The following SYCP2L variants were observed in gnomAD, a reference collection of about 807,000 sequenced individuals.
SYCP2L encodes the protein synaptonemal complex protein 2-like.
Under a neutral mutation model 125.8 loss-of-function variants are expected in SYCP2L, and 98 were observed. The ratio of observed to expected loss-of-function variants is 0.78; its 90% CI spans 0.66 to 0.92. SYCP2L has a LOEUF of 0.92. Among genes scored for constraint, SYCP2L ranks in the 40% least tolerant of loss-of-function variants. The pLI is 0.00. For synonymous variants in SYCP2L, 317 were observed against 325.4 expected, an observed-to-expected ratio of 0.97 and a Z score of 0.28; for missense variants, 842 against 936.4, an observed-to-expected ratio of 0.90 and a Z score of 1.32.
intron 23 of SYCP2L, among the ~76,000 whole-genome samples, chr6:10,943,220 T>C (rs1224149342): frequency 6.6e-6 from 1 of 152,232 alleles, no homozygotes; most frequent in African/African-American, 2.4e-5. Flanking sequence ...CACAATGTTG[T>C]ATCTAATATA....
intron 10 of SYCP2L, among the ~76,000 whole-genome samples, chr6:10,907,892 GTTTTTTTTT>G (rs551103839): frequency 0.034 from 3,088 of 91,976 alleles, 295 homozygotes; most frequent in African/African-American, 0.12. Context: ...ATACAGATAG[GTTTTTTTTT>G]TTTTTTTTTG....
At chr6:10,929,896 C>T (rs1225727) in intron 18 of SYCP2L, 28,368 of 152,426 alleles carry the variant, frequency 0.19, 2,796 homozygotes, top group Middle Eastern at 0.3. Context: ...GCCAAGATGG[C>T]GCCACTGCAC....
At chr6:10,967,739 C>T in intron 29 of SYCP2L, among the ~76,000 whole-genome samples, 1 of 152,162 alleles carries the variant, frequency 6.6e-6, no homozygotes, top group East Asian at 1.9e-4. Flanking sequence ...CAATACTAAA[C>T]TTAATGGCAA....
At chr6:10,960,276 A>C (rs1781573498) in intron 26 of SYCP2L, among the ~76,000 whole-genome samples, 1 of 152,184 alleles carries the variant, frequency 6.6e-6, no homozygotes, top group South Asian at 2.1e-4. Context: ...TATTTTTCAA[A>C]GTCTGGTGTG....
chr6:10,942,656 G>A (rs1310742921), intron 22 of SYCP2L, 21 bp from the exon 23 acceptor site: 5 of 1,612,640 alleles, frequency 3.1e-6, no homozygotes, highest in South Asian at 1.1e-5. Flanking sequence ...GACGTAATTT[G>A]TGGTCTGTTT....
chr6:10,945,977 T>G (rs1781309147), intron 23 of SYCP2L, among the ~76,000 whole-genome samples: 1 of 151,036 alleles, frequency 6.6e-6, no homozygotes, highest in Non-Finnish European at 1.5e-5. Flanking sequence ...ATGACTGACA[T>G]ATGTGTATGT....
intron 29 of SYCP2L, among the ~76,000 whole-genome samples, chr6:10,965,580 A>G (rs936753361): frequency 1.3e-5 from 2 of 152,214 alleles, no homozygotes; most frequent in African/African-American, 4.8e-5. Context: ...TAGCAGACAA[A>G]TCTTCATAGA....
chr6:10,914,294 T>C (rs898963644), intron 14 of SYCP2L, among the ~76,000 whole-genome samples: 2 of 152,114 alleles, frequency 1.3e-5, no homozygotes, highest in Non-Finnish European at 2.9e-5. Flanking sequence ...TTTCCCTACT[T>C]TTATGTTTTT....
intron 25 of SYCP2L, among the ~76,000 whole-genome samples, chr6:10,957,086 C>T (rs1460339549): frequency 2.6e-5 from 4 of 152,180 alleles, no homozygotes; most frequent in Non-Finnish European, 5.9e-5. Flanking sequence ...GCTTCAGCCT[C>T]CCAAACTGCT....
chr6:10,893,812 C>T (rs1308830987), intron 2 of SYCP2L, 55 bp from the exon 3 acceptor site: 7 of 1,570,330 alleles, frequency 4.5e-6, no homozygotes, highest in Admixed American at 1.9e-5. Flanking sequence ...TAGAAAATTA[C>T]TATAAAATAA....
chr6:10,936,893 A>G (rs962165505), intron 21 of SYCP2L, among the ~76,000 whole-genome samples: 4 of 152,260 alleles, frequency 2.6e-5, no homozygotes, highest in Non-Finnish European at 4.4e-5. Context: ...AACAGGAAAT[A>G]GCAATTGTAA....
intron 2 of SYCP2L, 119 bp downstream of exon 2, chr6:10,891,700 G>C (rs143561148): frequency 0.015 from 9,709 of 646,530 alleles, 100 homozygotes; most frequent in Non-Finnish European, 0.018. Context: ...TTCTAGTTCT[G>C]TGTTCCCTGG....
At chr6:10,890,285 C>T (rs958139182) in intron 1 of SYCP2L, among the ~76,000 whole-genome samples, 17 of 152,138 alleles carry the variant, frequency 1.1e-4, no homozygotes, top group Non-Finnish European at 2.2e-4. Context: ...TACTGTTTTC[C>T]ATATTGTCTA....
chr6:10,965,181 G>C (rs1407164120), intron 29 of SYCP2L, among the ~76,000 whole-genome samples: 2 of 152,172 alleles, frequency 1.3e-5, no homozygotes, highest in Non-Finnish European at 2.9e-5. Flanking sequence ...ACTGGATGAG[G>C]AGAGTCCAAC....
intron 29 of SYCP2L, among the ~76,000 whole-genome samples, chr6:10,970,950 C>G (rs1282127947): frequency 1.3e-5 from 2 of 152,022 alleles, no homozygotes; most frequent in Non-Finnish European, 2.9e-5. Flanking sequence ...CGGGCCATCA[C>G]CCCCAGGCCT....
chr6:10,901,603 C>T (rs922764492), intron 6 of SYCP2L, among the ~76,000 whole-genome samples: 18 of 152,126 alleles, frequency 1.2e-4, no homozygotes, highest in South Asian at 4.1e-4. Flanking sequence ...GGGTGTTTGG[C>T]GGCATCCTTG....
Position 10,912,682 on chromosome 6 carries a change from C to G in SYCP2L, c.928C>G (p.Pro310Ala), listed in dbSNP as rs1236247747. The G allele has an allele frequency of 6.2e-7, 1 of 1,612,554 alleles. No homozygotes were observed. The highest frequency in any genetic ancestry group is 8.5e-7 in the Non-Finnish European group (1 of 1,179,548). Residue 310 changes from proline to alanine, a missense_variant, in exon 13 of 30, where the codon CCA becomes GCA. Transcript: ENST00000283141. This position sits in a 1 kb window ranked among gnomAD's most constrained non-coding sequence, Gnocchi z 4.1. Reference protein sequence around the residue: ...AFADEHEMRKPADEKLEKFWI... With the variant: ...AFADEHEMRKAADEKLEKFWI... ...AAATGATCTCTTACAGATGAGAAAA[C>G]CAGCGGATGAAAAATTAGAGAAATT...
In SYCP2L at chr6:10,887,236, G is replaced by T. The variant is rs566276259; in HGVS notation, c.9+101G>T. On this transcript the variant is annotated intron_variant, in intron 1 of 29. Coordinates refer to ENST00000283141, the MANE Select transcript of SYCP2L (RefSeq NM_001040274.3). ...CAGGTTCTGCCGCCTTGAGGTGTTC[G>T]CTCAGAGACCGGGTGCTGGGCATAG... The T allele has an allele frequency of 4.0e-6, 6 of 1,513,530 alleles. No individual in the cohort carries two copies. The Admixed American group carries it at 9.0e-5, about 23-fold the overall frequency. 93.8% of individuals were successfully genotyped at this position (1,513,530 alleles called of 1,614,324 possible).
chr6:10,946,011 C>T (rs532899043), intron 23 of SYCP2L, among the ~76,000 whole-genome samples: 1 of 152,062 alleles, frequency 6.6e-6, no homozygotes, highest in East Asian at 1.9e-4. Flanking sequence ...ATATATATAA[C>T]TTGTAAACAG....
Sources: gnomAD v4.1 joint callset for allele counts (sites outside exome capture counted in the v4.1 genomes callset) on GRCh38, gnomAD v4.1.1 for gene constraint, Gnocchi (gnomAD v3.1) non-coding constraint, MANE v1.5 for transcripts, NCBI Gene and HGNC (gene_info 2026-07-23, HGNC 2026-07-21) for gene names.